Variants in ADGRG6 observed in about 807,000 individuals in gnomAD.
ADGRG6 encodes the protein adhesion G protein-coupled receptor G6.
In ADGRG6, 84 loss-of-function variants were observed where a neutral mutation model predicts 142.4. The ratio of observed to expected loss-of-function variants is 0.59; its 90% CI spans 0.49 to 0.71. The LOEUF (loss-of-function observed/expected upper bound fraction) is 0.71, where lower values mean the gene tolerates loss of function less well. Among genes scored for constraint, ADGRG6 ranks in the 30% least tolerant of loss-of-function variants. The probability of loss-of-function intolerance (pLI) is 0.00; values close to 1 mark genes in which losing one functional copy is unlikely to be tolerated. For synonymous variants in ADGRG6, 521 were observed against 520.5 expected, an observed-to-expected ratio of 1.00 and a Z score of -0.01; for missense variants, 1,367 against 1,466.6, an observed-to-expected ratio of 0.93 and a Z score of 1.11.
intron 2 of ADGRG6, among the ~76,000 whole-genome samples, chr6:142,325,928 A>G (rs1210171453): frequency 6.6e-6 from 1 of 152,050 alleles, no homozygotes; most frequent in Non-Finnish European, 1.5e-5. Flanking sequence ...TCACACATGA[A>G]GATATTCATT....
intron 9 of ADGRG6, among the ~76,000 whole-genome samples, chr6:142,397,143 A>T (rs1378013399): frequency 2.0e-5 from 3 of 152,166 alleles, no homozygotes; most frequent in Non-Finnish European, 4.4e-5. Context: ...CATGAATAGT[A>T]ACACTTTTAT....
rs189565661 is a variant in ADGRG6, at chr6:142,406,973, T to A, written c.2268+1145T>A. Among the ~76,000 whole-genome samples the A allele has an allele frequency of 1.1e-4, 16 of 152,150 alleles. No individual in the cohort carries two copies. In the East Asian group the frequency reaches 2.9e-3, roughly 28 times the overall value. On this transcript the variant is annotated intron_variant, in intron 15 of 24. Coordinates refer to ENST00000367609, the MANE Select transcript of ADGRG6 (RefSeq NM_198569.3). Reference sequence around the variant, plus strand: ...CTCTTAGATTTGCAAGCATCTGTCATTGTTTTGAGTCTTCTCCATATCATT... The same window carrying A: ...CTCTTAGATTTGCAAGCATCTGTCAATGTTTTGAGTCTTCTCCATATCATT...
chr6:142,358,273 G>A (rs745885332), intron 2 of ADGRG6, among the ~76,000 whole-genome samples: 9 of 152,304 alleles, frequency 5.9e-5, no homozygotes, highest in Non-Finnish European at 1.3e-4. Context: ...AGGTGAGTGT[G>A]TGTCTTTTAA....
intron 2 of ADGRG6, among the ~76,000 whole-genome samples, chr6:142,324,811 G>T (rs9496337): frequency 6.6e-6 from 1 of 151,910 alleles, no homozygotes; most frequent in African/African-American, 2.4e-5. Flanking sequence ...TTCCCTTATT[G>T]TTAGTGCCTA....
intron 21 of ADGRG6, among the ~76,000 whole-genome samples, chr6:142,418,994 T>A (rs1043093984): frequency 3.3e-5 from 5 of 152,164 alleles, no homozygotes; most frequent in Non-Finnish European, 7.4e-5. Context: ...CTTCTCCATG[T>A]CACTGGGATA....
intron 2 of ADGRG6, among the ~76,000 whole-genome samples, chr6:142,347,621 T>C (rs1164628382): frequency 6.6e-6 from 1 of 152,146 alleles, no homozygotes; most frequent in Non-Finnish European, 1.5e-5. Context: ...AGTACAGTAC[T>C]TGGGTGGATA....
At chr6:142,314,312 A>G (rs1004084084) in intron 2 of ADGRG6, among the ~76,000 whole-genome samples, 1 of 152,216 alleles carries the variant, frequency 6.6e-6, no homozygotes, top group African/African-American at 2.4e-5. Flanking sequence ...TGATGGGACC[A>G]CTAATGAAAC....
At chr6:142,355,841 CAGTA>C (rs1220776986) in intron 2 of ADGRG6, among the ~76,000 whole-genome samples, 4 of 151,974 alleles carry the variant, frequency 2.6e-5, no homozygotes, top group Non-Finnish European at 5.9e-5. Context: ...TAAAAGAAGA[CAGTA>C]AGCAAGTCGA....
At chr6:142,408,336 T>C (rs1346479559) in intron 16 of ADGRG6, 67 bp downstream of exon 16, 2 of 1,219,184 alleles carry the variant, frequency 1.6e-6, no homozygotes, top group Non-Finnish European at 2.3e-6. Flanking sequence ...GGGGCCTTTT[T>C]TTCTACATGT....
intron 15 of ADGRG6, 97 bp downstream of exon 15, chr6:142,405,925 G>A: frequency 1.8e-5 from 15 of 833,068 alleles, no homozygotes; most frequent in Middle Eastern, 3.8e-4. Flanking sequence ...TATATCAGAA[G>A]GTTTAGAAAA....
At chr6:142,432,916 T>C (rs1011293955) in intron 22 of ADGRG6, among the ~76,000 whole-genome samples, 12 of 152,038 alleles carry the variant, frequency 7.9e-5, no homozygotes, top group Non-Finnish European at 5.9e-5. Context: ...AATAATAGAG[T>C]ATTAAGGGAA....
chr6:142,319,024 C>T (rs1335565155), intron 2 of ADGRG6, among the ~76,000 whole-genome samples: 21 of 152,188 alleles, frequency 1.4e-4, no homozygotes, highest in Non-Finnish European at 1.3e-4. Context: ...TGAGAGCTTC[C>T]CTAGGGTGGT....
intron 6 of ADGRG6, among the ~76,000 whole-genome samples, chr6:142,386,485 G>C (rs1562357057): frequency 6.6e-6 from 1 of 152,122 alleles, no homozygotes; most frequent in Non-Finnish European, 1.5e-5. Flanking sequence ...CCAATTTTGG[G>C]TGAGCCAGTG....
chr6:142,379,959 A>G (rs1781683032), intron 4 of ADGRG6, among the ~76,000 whole-genome samples: 1 of 152,194 alleles, frequency 6.6e-6, no homozygotes, highest in Non-Finnish European at 1.5e-5. Context: ...TAGGGACACA[A>G]TACATCAACC....
At chr6:142,404,176 G>A in intron 14 of ADGRG6, 2 of 544,474 alleles carry the variant, frequency 3.7e-6, no homozygotes, top group Non-Finnish European at 6.4e-6. Flanking sequence ...GGGTGACAGG[G>A]GTGGTCAGCT....
At chr6:142,317,905 ATATT>A (rs1223476932) in intron 2 of ADGRG6, among the ~76,000 whole-genome samples, 1 of 74,984 alleles carries the variant, frequency 1.3e-5, no homozygotes, top group African/African-American at 5.6e-5. Flanking sequence ...ATATTTATAT[ATATT>A]ATATATATTT....
In ADGRG6 at chr6:142,327,533, A is replaced by T. The variant is rs1778839189; in HGVS notation, c.103+17889A>T. ...TACTAGATATTTATAGGAAATGTGT[A>T]TTATCATTTCCCTCATTGTGTAGCA... is the stretch of plus-strand genomic sequence containing the variant. On this transcript the variant is annotated intron_variant, in intron 2 of 24. Coordinates refer to ENST00000367609, the MANE Select transcript of ADGRG6 (RefSeq NM_198569.3). Among the ~76,000 whole-genome samples the T allele has an allele frequency of 2.6e-5, 4 of 152,210 alleles. No homozygotes were observed. The South Asian group carries it at 8.3e-4, about 32-fold the overall frequency.
chr6:142,398,948 A>G (rs966274266), intron 10 of ADGRG6, among the ~76,000 whole-genome samples: 2 of 152,130 alleles, frequency 1.3e-5, no homozygotes, highest in Admixed American at 6.6e-5. Context: ...TACTTCCCAC[A>G]TATTTCCAGA....
Position 142,381,941 on chromosome 6 carries a change from G to T in ADGRG6, c.1070-10G>T, listed in dbSNP as rs1302918990. ...AATCAAACTTACATATTCTTTTTGT[G>T]TTGATCAAGGTTCCTACCTGATCCC... On this transcript the variant is annotated splice_polypyrimidine_tract_variant and intron_variant, in intron 4 of 24. Transcript: ENST00000367609. 1 of 1,552,240 alleles carries T rather than the reference G, an allele frequency of 6.4e-7. No homozygotes were observed. The highest frequency in any genetic ancestry group is 1.8e-5 in the Admixed American group (1 of 56,872).
Sources: gnomAD v4.1 joint callset for allele counts (sites outside exome capture counted in the v4.1 genomes callset) on GRCh38, gnomAD v4.1.1 for gene constraint, MANE v1.5 for transcripts, NCBI Gene and HGNC (gene_info 2026-07-23, HGNC 2026-07-21) for gene names.